Variants in GALNTL6 observed in about 807,000 individuals in gnomAD.
The protein encoded by GALNTL6 is polypeptide N-acetylgalactosaminyltransferase like 6, also known as polypeptide N-acetylgalactosaminyltransferase-like 6.
In GALNTL6, 46 loss-of-function variants were observed where a neutral mutation model predicts 73.7. The observed-to-expected ratio is 0.62, with a 90% CI of 0.49 to 0.80. The LOEUF is 0.80. Ranked by LOEUF, GALNTL6 falls within the 30% of genes least tolerant of loss-of-function variation. The pLI is 0.00. For synonymous variants in GALNTL6, 259 were observed against 263.7 expected (o/e 0.98, Z 0.17); for missense variants, 604 against 755.0 (o/e 0.80, Z 2.34).
chr4:172,527,200 A>G (rs1734988868), intron 5 of GALNTL6, among the ~76,000 whole-genome samples: 2 of 152,126 alleles, frequency 1.3e-5, no homozygotes, highest in Non-Finnish European at 2.9e-5. Flanking sequence ...AGATCCTAAC[A>G]AAGATAACTT....
intron 2 of GALNTL6, among the ~76,000 whole-genome samples, chr4:172,219,199 G>A (rs1351304850): frequency 8.6e-6 from 1 of 116,212 alleles, no homozygotes; most frequent in Non-Finnish European, 1.8e-5. Flanking sequence ...TTAAGCAAGT[G>A]TATATATATA....
intron 5 of GALNTL6, among the ~76,000 whole-genome samples, chr4:172,761,870 G>T (rs1389631801): frequency 6.6e-6 from 1 of 152,112 alleles, no homozygotes; most frequent in African/African-American, 2.4e-5. Context: ...GTTCTTCATA[G>T]CAGTGTGAAA....
At position 172,694,505 on chromosome 4, in the gene GALNTL6, G is replaced by A. The variant is rs181956707; in HGVS notation, c.554-114856G>A. ...CTTTTTTATGGCTGCATAGTATTCC[G>A]TGGTGTATATATGCCACATTGTCTT... On this transcript the variant is annotated intron_variant, in intron 5 of 12. Coordinates refer to ENST00000506823, the MANE Select transcript of GALNTL6 (RefSeq NM_001034845.3). 1.8e-3 allele frequency among the ~76,000 whole-genome samples: 277 copies of A among 152,224 alleles called. 1 individual carries two copies. The highest frequency in any genetic ancestry group is 6.5e-3 in the African/African-American group (268 of 41,532).
At position 173,040,149 on chromosome 4, in the gene GALNTL6, T is replaced by G; in HGVS notation, c.*49T>G. On this transcript the variant is annotated 3_prime_UTR_variant, in exon 13 of 13. Transcript: ENST00000506823. Reference sequence around the variant, plus strand: ...ATTACCTACAGGTTATAAATTAAATTTTAGCCAGCATCTGGGTCGAAGGAG... The same window carrying G: ...ATTACCTACAGGTTATAAATTAAATGTTAGCCAGCATCTGGGTCGAAGGAG... The G allele has an allele frequency of 7.0e-7, 1 of 1,435,054 alleles. No individual in the cohort carries two copies. Among genetic ancestry groups the G allele is most frequent in the Non-Finnish European group, 9.6e-7 (1 of 1,044,214 alleles). 88.9% of individuals were successfully genotyped at this position (1,435,054 alleles called of 1,614,324 possible). A position where few individuals can be genotyped will look rare whatever the true frequency, so the allele number is the denominator to read the frequency against.
At chr4:172,459,853 G>GA (rs1305989887) in intron 5 of GALNTL6, among the ~76,000 whole-genome samples, 1 of 151,868 alleles carries the variant, frequency 6.6e-6, no homozygotes, top group Non-Finnish European at 1.5e-5. Context: ...ACAGAATTAG[G>GA]AAAAAAACTA....
At position 172,809,115 on chromosome 4, in the gene GALNTL6, G is replaced by C. The variant is rs904585411; in HGVS notation, c.554-246G>C. Reference sequence around the variant, plus strand: ...CTGCAGCTGTCAGCCAGCAGTAACTGCATAACAGACCTCTGGCATGTCAGT... The same window carrying C: ...CTGCAGCTGTCAGCCAGCAGTAACTCCATAACAGACCTCTGGCATGTCAGT... On this transcript the variant is annotated intron_variant, in intron 5 of 12. Transcript: ENST00000506823. This position sits in a 1 kb window ranked among gnomAD's most constrained non-coding sequence, Gnocchi z 4.4. 6.6e-6 allele frequency among the ~76,000 whole-genome samples: 1 copy of C among 152,150 alleles called. No homozygotes were observed. Among genetic ancestry groups the C allele is most frequent in the Admixed American group, 6.5e-5 (1 of 15,268 alleles).
At chr4:172,782,292 A>G (rs1203506534) in intron 5 of GALNTL6, among the ~76,000 whole-genome samples, 1 of 152,198 alleles carries the variant, frequency 6.6e-6, no homozygotes, top group Non-Finnish European at 1.5e-5. Flanking sequence ...TCCTTTGAGA[A>G]AAGGAAGATT....
chr4:172,586,846 T>C (rs912067414), intron 5 of GALNTL6, among the ~76,000 whole-genome samples: 3 of 152,176 alleles, frequency 2.0e-5, no homozygotes, highest in African/African-American at 7.2e-5. Context: ...GGCTTCCACT[T>C]TGGGGAGTAG....
intron 5 of GALNTL6, among the ~76,000 whole-genome samples, chr4:172,490,946 G>C (rs1733873248): frequency 6.6e-6 from 1 of 152,090 alleles, no homozygotes; most frequent in Admixed American, 6.6e-5. Flanking sequence ...CATATGCCAA[G>C]CAAGGAGATG....
chr4:172,820,422 A>C (rs1741858026), intron 7 of GALNTL6, among the ~76,000 whole-genome samples: 1 of 152,232 alleles, frequency 6.6e-6, no homozygotes. Context: ...TATTTTACAC[A>C]AAACTCTTTC....
intron 3 of GALNTL6, among the ~76,000 whole-genome samples, chr4:172,277,701 G>A (rs1738887337): frequency 6.6e-6 from 1 of 152,152 alleles, no homozygotes; most frequent in African/African-American, 2.4e-5. Context: ...CTAGAGCAAA[G>A]TCAGTGTGAT....
chr4:172,989,699 G>T (rs1038540044), intron 10 of GALNTL6, among the ~76,000 whole-genome samples: 3 of 152,166 alleles, frequency 2.0e-5, no homozygotes, highest in South Asian at 2.1e-4. Flanking sequence ...AGACGTGTCT[G>T]CTTCTCCTTC....
chr4:172,514,822 AAATT>A (rs1561117102), intron 5 of GALNTL6, among the ~76,000 whole-genome samples: 1 of 152,008 alleles, frequency 6.6e-6, no homozygotes, highest in Non-Finnish European at 1.5e-5. Context: ...TCAGCTCTCT[AAATT>A]TATTTCAGCT....
At chr4:172,401,498 A>G (rs1269475720) in intron 5 of GALNTL6, among the ~76,000 whole-genome samples, 1 of 152,108 alleles carries the variant, frequency 6.6e-6, no homozygotes, top group Non-Finnish European at 1.5e-5. Context: ...TAAAGGATTT[A>G]TGTCTCACCA....
chr4:172,136,334 G>A (rs1318826849), intron 2 of GALNTL6, among the ~76,000 whole-genome samples: 1 of 151,900 alleles, frequency 6.6e-6, no homozygotes, highest in Non-Finnish European at 1.5e-5. Context: ...AAAACCTTAA[G>A]TGATTTATCT....
In GALNTL6 at chr4:172,004,196, G is replaced by A. The variant is rs1005994073; in HGVS notation, c.138+189478G>A. 2.6e-5 allele frequency among the ~76,000 whole-genome samples: 4 copies of A among 152,140 alleles called. No homozygotes were observed. In the East Asian group the frequency reaches 5.8e-4, roughly 22 times the overall value. On this transcript the variant is annotated intron_variant, in intron 2 of 12. Coordinates refer to ENST00000506823, the MANE Select transcript of GALNTL6 (RefSeq NM_001034845.3). The stretch of plus-strand genomic sequence containing the variant: ...AACCTTTTGTTCCTAACTGCAAAGA[G>A]TTATTAAGATTAATAGTTTGTCCCC...
chr4:172,772,835 T>G (rs1477391334), intron 5 of GALNTL6, among the ~76,000 whole-genome samples: 2 of 152,178 alleles, frequency 1.3e-5, no homozygotes, highest in Non-Finnish European at 2.9e-5. Context: ...GGGAGTATTA[T>G]CATGGATTAT....
At chr4:172,378,782 T>C (rs1743149244) in intron 5 of GALNTL6, among the ~76,000 whole-genome samples, 2 of 152,044 alleles carry the variant, frequency 1.3e-5, no homozygotes, top group African/African-American at 4.8e-5. Context: ...GCCAAAATTT[T>C]TGAGAAATAT....
chr4:171,969,660 T>C (rs1483907048), intron 2 of GALNTL6, among the ~76,000 whole-genome samples: 2 of 152,208 alleles, frequency 1.3e-5, no homozygotes, highest in African/African-American at 2.4e-5. Flanking sequence ...CCTTAAAAAC[T>C]AGTCGTCAGC....
Sources: allele counts gnomAD v4.1 joint callset (sites outside exome capture counted in the v4.1 genomes callset), GRCh38; gene constraint gnomAD v4.1.1; non-coding constraint Gnocchi (gnomAD v3.1); transcripts MANE v1.5; gene names NCBI Gene and HGNC (gene_info 2026-07-23, HGNC 2026-07-21).